The following KCNH8 variants were observed in gnomAD, a reference collection of about 807,000 sequenced individuals.
The protein encoded by KCNH8 is voltage-gated delayed rectifier potassium channel KCNH8.
A neutral mutation model predicts 103.6 loss-of-function variants in KCNH8; 70 were observed. The ratio of observed to expected loss-of-function variants is 0.68; its 90% CI spans 0.56 to 0.82. KCNH8 has a LOEUF of 0.82. Among genes scored for constraint, KCNH8 ranks in the 40% least tolerant of loss-of-function variants. KCNH8 has a pLI of 0.00. For synonymous variants in KCNH8, 498 were observed against 489.4 expected, an observed-to-expected ratio of 1.02 and a Z score of -0.23; for missense variants, 1,217 against 1,329.9, an observed-to-expected ratio of 0.92 and a Z score of 1.32.
At chr3:19,340,129 T>G (rs770625610) in intron 3 of KCNH8, among the ~76,000 whole-genome samples, 7 of 151,996 alleles carry the variant, frequency 4.6e-5, no homozygotes, top group African/African-American at 7.2e-5. Context: ...AATAATAAAT[T>G]TGGAAGATCT....
At chr3:19,482,792 C>T (rs565604141) in intron 11 of KCNH8, among the ~76,000 whole-genome samples, 1 of 152,158 alleles carries the variant, frequency 6.6e-6, no homozygotes, top group South Asian at 2.1e-4. Flanking sequence ...TTCCTACAGA[C>T]CCCTCCTTCA....
intron 1 of KCNH8, among the ~76,000 whole-genome samples, chr3:19,203,781 G>A (rs1321277590): frequency 1.3e-5 from 2 of 151,914 alleles, no homozygotes; most frequent in Non-Finnish European, 1.5e-5. Flanking sequence ...ATTTTGAAAG[G>A]TTTTACAATG....
chr3:19,179,409 G>A (rs530058016), intron 1 of KCNH8, among the ~76,000 whole-genome samples: 13 of 152,182 alleles, frequency 8.5e-5, no homozygotes, highest in African/African-American at 2.6e-4. Flanking sequence ...GTTATGATCC[G>A]TTTTTGTTGT....
At chr3:19,237,421 G>A (rs1402748382) in intron 1 of KCNH8, among the ~76,000 whole-genome samples, 1 of 152,210 alleles carries the variant, frequency 6.6e-6, no homozygotes, top group Non-Finnish European at 1.5e-5. Context: ...CTACTCAAAT[G>A]TTTGTGGCAG....
At chr3:19,431,540 A>G (rs1428201647) in intron 7 of KCNH8, among the ~76,000 whole-genome samples, 1 of 152,160 alleles carries the variant, frequency 6.6e-6, no homozygotes, top group Non-Finnish European at 1.5e-5. Flanking sequence ...TTTTTGGAAT[A>G]GTTCAGTAGT....
In KCNH8 at chr3:19,172,003, G is replaced by A. The variant is rs557244449; in HGVS notation, c.76+23208G>A. 2.0e-5 allele frequency among the ~76,000 whole-genome samples: 3 copies of A among 152,272 alleles called. No homozygotes were observed. The South Asian group carries it at 6.2e-4, about 32-fold the overall frequency. On this transcript the variant is annotated intron_variant, in intron 1 of 15. Transcript: ENST00000328405. ...GTGATTCCCTTTCTCAATCATGTAG[G>A]AGGGAGTGACAAAGACTCCCACTGT...
intron 11 of KCNH8, among the ~76,000 whole-genome samples, chr3:19,498,958 G>A (rs569334455): frequency 1.3e-5 from 2 of 152,164 alleles, no homozygotes; most frequent in Non-Finnish European, 2.9e-5. Flanking sequence ...CCAGCTGCGT[G>A]CTGGGAGAAC....
At chr3:19,501,648 G>T (rs1305410520) in intron 11 of KCNH8, among the ~76,000 whole-genome samples, 4 of 152,024 alleles carry the variant, frequency 2.6e-5, no homozygotes, top group African/African-American at 9.7e-5. Flanking sequence ...ATGTAATCCA[G>T]CATATAAACA....
At chr3:19,465,602 G>C (rs375321952) in intron 11 of KCNH8, among the ~76,000 whole-genome samples, 1 of 151,972 alleles carries the variant, frequency 6.6e-6, no homozygotes, top group East Asian at 1.9e-4. Flanking sequence ...ATTTTGTAAA[G>C]CTATAGCTGC....
At chr3:19,378,005 T>C (rs1300446587) in intron 5 of KCNH8, among the ~76,000 whole-genome samples, 3 of 152,190 alleles carry the variant, frequency 2.0e-5, no homozygotes, top group African/African-American at 4.8e-5. Context: ...TTCTGGGTAG[T>C]CTATTGAAGG....
chr3:19,525,584 A>G (rs911786257), intron 15 of KCNH8, among the ~76,000 whole-genome samples: 1 of 151,932 alleles, frequency 6.6e-6, no homozygotes, highest in African/African-American at 2.4e-5. Context: ...ATAGATTACC[A>G]TGGTACAGCT....
chr3:19,369,189 G>C (rs1457170745), intron 5 of KCNH8, among the ~76,000 whole-genome samples: 5 of 151,922 alleles, frequency 3.3e-5, no homozygotes, highest in African/African-American at 9.7e-5. Context: ...CTTAATGGTT[G>C]TAACAAGGAT....
chr3:19,526,423 C>G (rs1367033109), intron 15 of KCNH8, among the ~76,000 whole-genome samples: 1 of 151,900 alleles, frequency 6.6e-6, no homozygotes, highest in Non-Finnish European at 1.5e-5. Context: ...TGAAGTAAAG[C>G]TATTTTATAT....
chr3:19,240,621 A>C (rs528601358), intron 1 of KCNH8, among the ~76,000 whole-genome samples: 16 of 151,966 alleles, frequency 1.1e-4, no homozygotes, highest in South Asian at 1.0e-3. Context: ...TAAAAAAAAA[A>C]AAAAAACAAA....
chr3:19,515,463 A>T, intron 14 of KCNH8, 35 bp downstream of exon 14: 1 of 1,097,038 alleles, frequency 9.1e-7, no homozygotes, highest in Non-Finnish European at 1.3e-6. Context: ...CTAAGGTAAA[A>T]TATTTCTTAT....
intron 11 of KCNH8, among the ~76,000 whole-genome samples, chr3:19,483,744 A>C (rs2068139460): frequency 6.6e-6 from 1 of 152,114 alleles, no homozygotes; most frequent in South Asian, 2.1e-4. Context: ...ATATTTACTC[A>C]AGGATCCAGT....
intron 1 of KCNH8, among the ~76,000 whole-genome samples, chr3:19,236,395 T>G (rs1386808575): frequency 1.3e-5 from 2 of 152,212 alleles, no homozygotes; most frequent in Non-Finnish European, 2.9e-5. Context: ...CATCGTGTAC[T>G]GCCTCCCTTC....
chr3:19,534,206 TC>T lies in KCNH8; in HGVS notation c.*109del. 1.3e-6 allele frequency: 1 copy of T among 790,302 alleles called. No homozygotes were observed. Among genetic ancestry groups the T allele is most frequent in the Non-Finnish European group, 2.0e-6 (1 of 496,294 alleles). The allele number at this position is 790,302 out of a possible 1,614,324, so 49.0% of individuals were successfully genotyped here. A position where few individuals can be genotyped will look rare whatever the true frequency, so the allele number is the denominator to read the frequency against. On this transcript the variant is annotated 3_prime_UTR_variant, in exon 16 of 16. Coordinates refer to ENST00000328405, the MANE Select transcript of KCNH8 (RefSeq NM_144633.3). ...CATGAAGACTGAGCAAAGCTGGGAA[TC>T]CTGCAGAAAAGAGTGTGAGGAGCCA...
chr3:19,240,403 G>A (rs1056359896), intron 1 of KCNH8, among the ~76,000 whole-genome samples: 25 of 151,834 alleles, frequency 1.6e-4, no homozygotes, highest in Admixed American at 4.6e-4. Flanking sequence ...GCCTGAGGTC[G>A]GGAGTTCAAG....
Sources: gnomAD v4.1 joint callset for allele counts (sites outside exome capture counted in the v4.1 genomes callset) on GRCh38, gnomAD v4.1.1 for gene constraint, MANE v1.5 for transcripts, NCBI Gene and HGNC (gene_info 2026-07-23, HGNC 2026-07-21) for gene names.